The following NTPCR variants were observed in gnomAD, a reference collection of about 807,000 sequenced individuals.
The protein encoded by NTPCR is cancer-related nucleoside-triphosphatase.
In NTPCR, 15 loss-of-function variants were observed where a neutral mutation model predicts 19.5. The ratio of observed to expected loss-of-function variants is 0.77; its 90% CI spans 0.51 to 1.18. The LOEUF is 1.18. NTPCR is among the 50% of genes most tolerant of loss of function. The probability of loss-of-function intolerance (pLI) is 0.00; values close to 1 mark genes in which losing one functional copy is unlikely to be tolerated. For missense variants in NTPCR, 206 were observed against 240.4 expected (o/e 0.86, Z 0.95); for synonymous variants, 90 against 95.8 (o/e 0.94, Z 0.36).
chr1:232,960,399 AGT>A (rs1668638277), intron 3 of NTPCR, among the ~76,000 whole-genome samples: 1 of 149,826 alleles, frequency 6.7e-6, no homozygotes, highest in Non-Finnish European at 1.5e-5. Flanking sequence ...GCTAGAGTGC[AGT>A]GGCGCCATCT....
intron 4 of NTPCR, chr1:232,976,777 T>C (rs549067364): frequency 9.7e-6 from 4 of 413,390 alleles, no homozygotes; most frequent in East Asian, 4.5e-5. Flanking sequence ...GATCACGGGA[T>C]TGACGCAGCC....
intron 4 of NTPCR, among the ~76,000 whole-genome samples, chr1:232,974,044 C>T (rs1228844458): frequency 2.6e-5 from 4 of 152,142 alleles, no homozygotes; most frequent in Non-Finnish European, 5.9e-5. Context: ...TGGCAAAAGA[C>T]ATAAACCTAC....
intron 1 of NTPCR, among the ~76,000 whole-genome samples, chr1:232,951,820 A>G (rs1258588072): frequency 6.6e-6 from 1 of 152,210 alleles, no homozygotes; most frequent in Non-Finnish European, 1.5e-5. Context: ...CCTGCTATCT[A>G]AAGTCACTCC....
chr1:232,964,402 T>G (rs959122652), intron 3 of NTPCR: 2 of 152,342 alleles, frequency 1.3e-5, no homozygotes, highest in Middle Eastern at 3.4e-3. Flanking sequence ...TTCTCCACTG[T>G]ATAGTTACTA....
chr1:232,952,661 C>G (rs1022598656), intron 1 of NTPCR, among the ~76,000 whole-genome samples: 1 of 150,126 alleles, frequency 6.7e-6, no homozygotes, highest in African/African-American at 2.5e-5. Flanking sequence ...CAGGCATGCA[C>G]CACCATGCCC....
At chr1:232,965,012 TTATCA>T (rs1668774908) in intron 3 of NTPCR, 1 of 152,190 alleles carries the variant, frequency 6.6e-6, no homozygotes, top group South Asian at 2.1e-4. Context: ...TCCTTTTACT[TTATCA>T]TATCTGCCTA....
chr1:232,980,722 AAAGG>A lies in NTPCR; in HGVS notation c.*2495_*2498del, dbSNP rs1669260897. On this transcript the variant is annotated 3_prime_UTR_variant, in exon 5 of 5. Coordinates refer to ENST00000366628, the MANE Select transcript of NTPCR (RefSeq NM_032324.3). ...TAGCAACAGTGTCATGCTGAGATTT[AAAGG>A]AAGAAGAGGTGCCGTGGCAGAACTC... The A allele has an allele frequency of 6.6e-6, 1 of 151,564 alleles. No homozygotes were observed. The highest frequency in any genetic ancestry group is 2.1e-4 in the South Asian group (1 of 4,800). The allele number at this position is 151,564 out of a possible 1,614,324, so 9.4% of individuals were successfully genotyped here.
In NTPCR at chr1:232,955,734, T is replaced by A; in HGVS notation, c.197+15T>A. On this transcript the variant is annotated intron_variant, in intron 2 of 4. Coordinates refer to ENST00000366628, the MANE Select transcript of NTPCR (RefSeq NM_032324.3). Reference sequence around the variant, plus strand: ...TCGAGAGTTGGGTACTGATATTTCATTTCTGTGGTGTTCTATTATCTAAGC... The same window carrying A: ...TCGAGAGTTGGGTACTGATATTTCAATTCTGTGGTGTTCTATTATCTAAGC... The A allele has an allele frequency of 6.2e-7, 1 of 1,612,664 alleles. No homozygotes were observed. The highest frequency in any genetic ancestry group is 8.5e-7 in the Non-Finnish European group (1 of 1,178,964).
chr1:232,951,431 A>G (rs1452287327), intron 1 of NTPCR, among the ~76,000 whole-genome samples: 4 of 152,164 alleles, frequency 2.6e-5, no homozygotes, highest in African/African-American at 4.8e-5. Context: ...TCTGAGAAGC[A>G]GGATAGCGTT....
At chr1:232,971,932 T>C (rs1332699195) in intron 4 of NTPCR, among the ~76,000 whole-genome samples, 1 of 152,218 alleles carries the variant, frequency 6.6e-6, no homozygotes, top group African/African-American at 2.4e-5. Context: ...TGAAAGATCA[T>C]GAAAGAAAAT....
intron 4 of NTPCR, among the ~76,000 whole-genome samples, chr1:232,971,849 C>T (rs1668992484): frequency 6.6e-6 from 1 of 152,192 alleles, no homozygotes; most frequent in Non-Finnish European, 1.5e-5. Flanking sequence ...TTCAGAGTTT[C>T]ATGTCGTCTT....
intron 4 of NTPCR, 136 bp from the exon 5 acceptor site, chr1:232,978,026 TG>T: frequency 1.6e-6 from 1 of 641,476 alleles, no homozygotes. Flanking sequence ...CCTGAAGAGC[TG>T]GGCCTCCTGC....
In NTPCR at chr1:232,978,081, G is replaced by T. The variant is rs1045158; in HGVS notation, c.505-82G>T. The T allele has an allele frequency of 0.24, 288,075 of 1,219,596 alleles. 35,302 individuals carry two copies. The highest frequency in any genetic ancestry group is 0.31 in the African/African-American group (20,851 of 66,634). 75.5% of individuals were successfully genotyped at this position (1,219,596 alleles called of 1,614,324 possible). On this transcript the variant is annotated intron_variant, in intron 4 of 4. Transcript: ENST00000366628. ...CTCACCCTCTCCCAGCCTTCCAGGC[G>T]TTTCTTTTAGAGAGTTACCTAGCAC...
rs1168485827 is a variant in NTPCR, at chr1:232,982,114, T to C, written c.*3883T>C. ...GAAATGTCAGTTTAGGGATGCCTCCTCTAAATGGGGGCTTAGAATATAACA... is the reference window on the plus strand; with the variant it reads ...GAAATGTCAGTTTAGGGATGCCTCCCCTAAATGGGGGCTTAGAATATAACA... On this transcript the variant is annotated 3_prime_UTR_variant, in exon 5 of 5. Transcript: ENST00000366628. 1 of 152,218 alleles carries C rather than the reference T, an allele frequency of 6.6e-6. No homozygotes were observed. The highest frequency in any genetic ancestry group is 1.5e-5 in the Non-Finnish European group (1 of 68,038). The allele number at this position is 152,218 out of a possible 1,614,324, so 9.4% of individuals were successfully genotyped here.
At chr1:232,956,946 C>A (rs541242323) in intron 3 of NTPCR, among the ~76,000 whole-genome samples, 1 of 152,252 alleles carries the variant, frequency 6.6e-6, no homozygotes, top group East Asian at 1.9e-4. Flanking sequence ...CATTTGCTTG[C>A]CTAATTACCC....
rs1280347754 is a variant in NTPCR, at chr1:232,976,387, G to C, written c.505-1776G>C. The stretch of plus-strand genomic sequence containing the variant: ...AGACCAGAGCAAATTCTCCAGCTGT[G>C]TATCACAGTCCACTCTCACAGAGCC... On this transcript the variant is annotated intron_variant, in intron 4 of 4. Coordinates refer to ENST00000366628, the MANE Select transcript of NTPCR (RefSeq NM_032324.3). 1.9e-6 allele frequency: 3 copies of C among 1,550,158 alleles called. No individual in the cohort carries two copies. The African/African-American group carries it at 4.1e-5, about 21-fold the overall frequency.
intron 3 of NTPCR, chr1:232,967,825 G>A (rs375841840): frequency 3.9e-5 from 6 of 152,212 alleles, no homozygotes; most frequent in South Asian, 2.1e-4. Flanking sequence ...ATTACTCTTC[G>A]TCTCTGGGGG....
rs1034097170 is a variant in NTPCR, at chr1:232,983,032, A to G, written c.*4801A>G. On this transcript the variant is annotated 3_prime_UTR_variant, in exon 5 of 5. Transcript: ENST00000366628. ...AAGAACCTTCTGTCTGTGATTATAG[A>G]GTACACTTGCTTTTATTAATTGCTG... is the stretch of plus-strand genomic sequence containing the variant. 1 of 152,210 alleles carries G rather than the reference A, an allele frequency of 6.6e-6. No individual in the cohort carries two copies. Among genetic ancestry groups the G allele is most frequent in the Non-Finnish European group, 1.5e-5 (1 of 68,030 alleles). 9.4% of individuals were successfully genotyped at this position (152,210 alleles called of 1,614,324 possible). A position where few individuals can be genotyped will look rare whatever the true frequency, so the allele number is the denominator to read the frequency against.
intron 3 of NTPCR, chr1:232,967,826 T>G (rs1668861692): frequency 6.6e-6 from 1 of 152,192 alleles, no homozygotes; most frequent in Non-Finnish European, 1.5e-5. Flanking sequence ...TTACTCTTCG[T>G]CTCTGGGGGC....
Sources: allele counts gnomAD v4.1 joint callset (sites outside exome capture counted in the v4.1 genomes callset), GRCh38; gene constraint gnomAD v4.1.1; transcripts MANE v1.5; gene names NCBI Gene and HGNC (gene_info 2026-07-23, HGNC 2026-07-21).